Variants in CNIH3 observed in about 807,000 individuals in gnomAD.
The protein encoded by CNIH3 is protein cornichon homolog 3.
Under a neutral mutation model 24.1 loss-of-function variants are expected in CNIH3, and 14 were observed. The observed-to-expected ratio is 0.58, with a 90% confidence interval of 0.38 to 0.91. The LOEUF (loss-of-function observed/expected upper bound fraction) is 0.91. CNIH3 is among the 40% of genes least tolerant of loss of function. The pLI, the probability that CNIH3 is intolerant of heterozygous loss-of-function variation, is 0.00. For missense variants in CNIH3, 178 were observed against 196.8 expected (o/e 0.90, Z 0.57); for synonymous variants, 68 against 73.8 (o/e 0.92, Z 0.40).
At chr1:224,443,698 GAT>G (rs1247904565) in intron 1 of CNIH3, among the ~76,000 whole-genome samples, 1 of 148,944 alleles carries the variant, frequency 6.7e-6, no homozygotes, top group Non-Finnish European at 1.5e-5. Context: ...TATAGATATA[GAT>G]ATATATATAT....
chr1:224,566,209 GT>G (rs1485248720), exon 4 of CNIH3: 2 of 151,958 alleles, frequency 1.3e-5, no homozygotes, highest in South Asian at 4.2e-4. Context: ...TTGCCTCCTG[GT>G]TATAAAGCAA....
chr1:224,640,641 T>C (rs1006741375), intron 1 of CNIH3, among the ~76,000 whole-genome samples: 9 of 152,232 alleles, frequency 5.9e-5, no homozygotes, highest in African/African-American at 1.9e-4. Flanking sequence ...CCAGTGTCTG[T>C]GCAGGCAGGG....
At chr1:224,641,221 A>G (rs997642970) in intron 1 of CNIH3, among the ~76,000 whole-genome samples, 2 of 152,190 alleles carry the variant, frequency 1.3e-5, no homozygotes, top group Non-Finnish European at 2.9e-5. Flanking sequence ...CCTGCTGTAC[A>G]GCAAGAGGTT....
chr1:224,502,013 G>A (rs1419131367), intron 1 of CNIH3, among the ~76,000 whole-genome samples: 1 of 152,174 alleles, frequency 6.6e-6, no homozygotes, highest in African/African-American at 2.4e-5. Context: ...CTGGAGGGAG[G>A]TGCTGAAGAA....
At chr1:224,493,267 C>T (rs959278928) in intron 1 of CNIH3, among the ~76,000 whole-genome samples, 1 of 151,986 alleles carries the variant, frequency 6.6e-6, no homozygotes, top group Non-Finnish European at 1.5e-5. Context: ...AATATATATG[C>T]GGAAATTTTA....
In CNIH3 at chr1:224,604,199, A is replaced by G. The variant is rs909738085; in HGVS notation, n.402+37935A>G. 1.3e-5 allele frequency among the ~76,000 whole-genome samples: 2 copies of G among 152,280 alleles called. No homozygotes were observed. Among genetic ancestry groups the G allele is most frequent in the Non-Finnish European group, 2.9e-5 (2 of 68,050 alleles). On this transcript the variant is annotated intron_variant and non_coding_transcript_variant, in intron 3 of 7. Coordinates refer to the CNIH3 transcript ENST00000478120. The surrounding 1 kb of genome is among the most constrained non-coding windows in gnomAD (Gnocchi z 4.4). The stretch of plus-strand genomic sequence containing the variant: ...AGTTTAATTTTGAATTTAATTATTA[A>G]TAAATTCTACTGATTATTGCAATAG...
Position 224,617,265 on chromosome 1 carries a change from A to G in CNIH3, c.81+10A>G. 6.2e-7 allele frequency: 1 copy of G among 1,613,402 alleles called. No individual in the cohort carries two copies. The highest frequency in any genetic ancestry group is 8.5e-7 in the Non-Finnish European group (1 of 1,179,708). On this transcript the variant is annotated intron_variant, in intron 1 of 5. Transcript: ENST00000272133. ...CTTCGCCATCTGGCACGTGAGTAAC[A>G]CGCTTTGGTCTCTCTTCTTTCGCCC... is the stretch of plus-strand genomic sequence containing the variant.
chr1:224,716,499 A>G (rs1409667774), intron 3 of CNIH3, among the ~76,000 whole-genome samples: 2 of 152,154 alleles, frequency 1.3e-5, no homozygotes, highest in Admixed American at 6.5e-5. Flanking sequence ...CACAGAAATT[A>G]TCTGTTACTT....
chr1:224,575,285 C>A (rs542721088), intron 4 of CNIH3: 2 of 1,105,668 alleles, frequency 1.8e-6, no homozygotes, highest in Non-Finnish European at 2.8e-6. Context: ...TTGAACTGAA[C>A]AGCCAGGATA....
At chr1:224,483,037 A>G (rs990521802) in intron 1 of CNIH3, among the ~76,000 whole-genome samples, 5 of 152,154 alleles carry the variant, frequency 3.3e-5, no homozygotes, top group Admixed American at 3.3e-4. Flanking sequence ...TCTCACAATC[A>G]ATGCACTCTC....
At chr1:224,457,273 CTCTGTGTGTGTGTG>C (rs1675711038) in intron 1 of CNIH3, among the ~76,000 whole-genome samples, 1 of 28,074 alleles carries the variant, frequency 3.6e-5, no homozygotes, top group East Asian at 2.6e-3. Flanking sequence ...TCCTCTCTCT[CTCTGTGTGTGTGTG>C]TGTGTGTGTG....
intron 3 of CNIH3, among the ~76,000 whole-genome samples, chr1:224,709,991 C>G (rs1688048960): frequency 1.3e-5 from 2 of 152,080 alleles, no homozygotes; most frequent in Non-Finnish European, 2.9e-5. Flanking sequence ...TATTAATTAT[C>G]TTTATTATTA....
downstream of CNIH3, among the ~76,000 whole-genome samples, chr1:224,539,494 C>T (rs1679428683): frequency 6.6e-6 from 1 of 152,216 alleles, no homozygotes; most frequent in South Asian, 2.1e-4. Flanking sequence ...TCTCTCTGAT[C>T]CAGTTCAGAT....
intron 4 of CNIH3, among the ~76,000 whole-genome samples, chr1:224,569,411 G>A (rs1251451652): frequency 6.6e-6 from 1 of 152,110 alleles, no homozygotes; most frequent in Middle Eastern, 3.2e-3. Context: ...CCACAGTGTG[G>A]TTTATTCATT....
At chr1:224,616,153 C>T (rs190724041), upstream of CNIH3, 427 of 156,512 alleles carry the variant, frequency 2.7e-3, 20 homozygotes, top group East Asian at 0.052. Context: ...GCTGCAGTGG[C>T]GGCGGCAGCG....
At chr1:224,615,117 T>C (rs1429526117), upstream of CNIH3, 3 of 152,118 alleles carry the variant, frequency 2.0e-5, no homozygotes, top group Non-Finnish European at 4.4e-5. Context: ...CCCTTCCAGC[T>C]CTCAAGGCAT....
rs1251875199 is a variant in CNIH3, at chr1:224,730,562, A to G, written c.299A>G (p.Tyr100Cys). Residue 100 changes from tyrosine (Y) to cysteine (C), a missense_variant, in exon 4 of 6, where the codon TAT (tyrosine) becomes TGT (cysteine). By Grantham distance (194) the Tyr-to-Cys change is radical. Transcript: ENST00000272133. ...TLGLNVPLLF[Y>C]HFWRYFHCPA... ...GGGCTGAATGTCCCTCTACTTTTCTATCACTTCTGGAGGTAAGTCAGACTG... is the reference window on the plus strand; with the variant it reads ...GGGCTGAATGTCCCTCTACTTTTCTGTCACTTCTGGAGGTAAGTCAGACTG... 12 of 1,551,544 alleles carry G rather than the reference A, an allele frequency of 7.7e-6. No individual in the cohort carries two copies. The Admixed American group carries it at 7.8e-5, about 10-fold the overall frequency.
At chr1:224,512,190 G>A (rs540617495), upstream of CNIH3, among the ~76,000 whole-genome samples, 545 of 147,044 alleles carry the variant, frequency 3.7e-3, 3 homozygotes, top group African/African-American at 0.013. Context: ...AAAAAAAAAA[G>A]TTTGGAGCTA....
In CNIH3 at chr1:224,662,337, T is replaced by G. The variant is rs912526106; in HGVS notation, c.82-18621T>G. Among the ~76,000 whole-genome samples, 3 of 152,198 alleles carry G rather than the reference T, an allele frequency of 2.0e-5. No homozygotes were observed. In the East Asian group the frequency reaches 5.8e-4, roughly 29 times the overall value. ...CCTTGTTAATTATTTTTATAACCTG[T>G]GCATATTAAGTGCTCACTCAAGAAC... On this transcript the variant is annotated intron_variant, in intron 1 of 5. Transcript: ENST00000272133.
Sources: gnomAD v4.1 joint callset for allele counts (sites outside exome capture counted in the v4.1 genomes callset) on GRCh38, gnomAD v4.1.1 for gene constraint, Gnocchi (gnomAD v3.1) non-coding constraint, MANE v1.5 for transcripts, NCBI Gene and HGNC (gene_info 2026-07-23, HGNC 2026-07-21) for gene names.